The following SPHKAP variants were observed in gnomAD, a reference collection of about 807,000 sequenced individuals.
The protein encoded by SPHKAP is A-kinase anchor protein SPHKAP.
Under a neutral mutation model 137.5 loss-of-function variants are expected in SPHKAP, and 67 were observed. That is an observed-to-expected ratio of 0.49 (90% CI 0.40 to 0.60). The LOEUF (loss-of-function observed/expected upper bound fraction) is 0.60. SPHKAP is among the 20% of genes least tolerant of loss of function. The pLI, the probability that SPHKAP is intolerant of heterozygous loss-of-function variation, is 0.00. For missense variants in SPHKAP, 2,097 were observed against 2,069.3 expected, an observed-to-expected ratio of 1.01 and a Z score of -0.26; for synonymous variants, 813 against 785.3, an observed-to-expected ratio of 1.04 and a Z score of -0.59.
rs1482044299 is a variant in SPHKAP, at chr2:228,017,019, T to G, written c.3835A>C (p.Ser1279Arg). The change falls in exon 7 of 12, where the codon AGC becomes CGC. Residue 1279 changes from serine to arginine, a missense_variant. Transcript: ENST00000392056. ...TTGCAGAGACCGGATGAGGACGCGC[T>G]ACTGACCGGCTGCACGCTTAGGAAA... ...QDFLSVQPVS[S>R]ASSSGLCKSD... is the part of the protein sequence containing the mutation. The G allele has an allele frequency of 6.2e-6, 10 of 1,614,062 alleles. No individual in the cohort carries two copies. Among genetic ancestry groups the G allele is most frequent in the African/African-American group, 1.3e-5 (1 of 74,924 alleles).
At chr2:228,162,667 C>G (rs933600333) in intron 1 of SPHKAP, among the ~76,000 whole-genome samples, 3 of 152,104 alleles carry the variant, frequency 2.0e-5, no homozygotes, top group Non-Finnish European at 4.4e-5. Flanking sequence ...TGGCAGAATA[C>G]ATAGGAGAGG....
At position 227,981,206 on chromosome 2, in the gene SPHKAP, A is replaced by C. The variant is rs966294377; in HGVS notation, c.*511T>G. On this transcript the variant is annotated 3_prime_UTR_variant, in exon 12 of 12. Coordinates refer to ENST00000392056, the MANE Select transcript of SPHKAP (RefSeq NM_001142644.2). ...CTACTGACATTGATTTGAAAGTGGA[A>C]ATCTTTTGTATAAAAGTCTGGGGAT... The C allele has an allele frequency of 6.6e-6, 1 of 152,262 alleles. No homozygotes were observed. The highest frequency in any genetic ancestry group is 2.4e-5 in the African/African-American group (1 of 41,458). 9.4% of individuals were successfully genotyped at this position (152,262 alleles called of 1,614,324 possible). A position where few individuals can be genotyped will look rare whatever the true frequency, so the allele number is the denominator to read the frequency against.
At chr2:228,117,161 C>T (rs1351192939) in intron 2 of SPHKAP, among the ~76,000 whole-genome samples, 1 of 152,084 alleles carries the variant, frequency 6.6e-6, no homozygotes, top group Non-Finnish European at 1.5e-5. Flanking sequence ...CACTTTTCTC[C>T]CTACATGCCA....
intron 3 of SPHKAP, among the ~76,000 whole-genome samples, chr2:228,051,099 C>A (rs1314220054): frequency 6.6e-6 from 1 of 152,150 alleles, no homozygotes; most frequent in East Asian, 1.9e-4. Flanking sequence ...GCCACTGCAC[C>A]TGGCCACCCA....
At chr2:227,990,758 A>G in intron 11 of SPHKAP, 1 of 409,066 alleles carries the variant, frequency 2.4e-6, no homozygotes, top group Middle Eastern at 6.8e-4. Flanking sequence ...AAAAGTTCCC[A>G]TCCCCTCAAT....
In SPHKAP at chr2:227,985,361, C is replaced by T. The variant is rs1051639698; in HGVS notation, c.4960-3501G>A. 1.3e-4 allele frequency among the ~76,000 whole-genome samples: 19 copies of T among 151,980 alleles called. 1 individual carries two copies. The highest frequency in any genetic ancestry group is 4.3e-4 in the African/African-American group (18 of 41,382). On this transcript the variant is annotated intron_variant, in intron 11 of 11. Transcript: ENST00000392056. ...GAAGAACTCTTCTTTTCTTTTCTTC[C>T]ATTAAAAAAAGGTAAGAATGAAAAA...
chr2:228,167,752 G>A (rs966959025), intron 1 of SPHKAP, among the ~76,000 whole-genome samples: 10 of 152,074 alleles, frequency 6.6e-5, no homozygotes, highest in African/African-American at 2.4e-4. Flanking sequence ...TTATAGGCTT[G>A]TAGGACAAAA....
At chr2:228,086,564 C>T (rs1399156071) in intron 3 of SPHKAP, among the ~76,000 whole-genome samples, 2 of 152,040 alleles carry the variant, frequency 1.3e-5, no homozygotes, top group Admixed American at 6.6e-5. Context: ...ATTGAGGTAC[C>T]ACCCTAGATA....
chr2:228,060,482 C>A (rs1696596310), intron 3 of SPHKAP, among the ~76,000 whole-genome samples: 2 of 152,092 alleles, frequency 1.3e-5, no homozygotes, highest in African/African-American at 2.4e-5. Flanking sequence ...TTAAAGTGGA[C>A]AAATCAATTT....
chr2:228,111,059 A>G (rs1698503098), intron 2 of SPHKAP, among the ~76,000 whole-genome samples: 1 of 152,186 alleles, frequency 6.6e-6, no homozygotes, highest in African/African-American at 2.4e-5. Flanking sequence ...CTTAGAGTGC[A>G]AAAGAATTTT....
chr2:228,135,178 A>G (rs6436756), intron 1 of SPHKAP, among the ~76,000 whole-genome samples: 51,642 of 151,090 alleles, frequency 0.34, 9,073 homozygotes, highest in East Asian at 0.5. Context: ...GGAGGCTGAG[A>G]CAGGAGAATC....
intron 1 of SPHKAP, among the ~76,000 whole-genome samples, chr2:228,135,793 A>C (rs912023699): frequency 6.6e-6 from 1 of 152,186 alleles, no homozygotes; most frequent in South Asian, 2.1e-4. Flanking sequence ...GGTGGGGCAA[A>C]AATTAATGCA....
At chr2:228,042,110 A>G (rs1250227495) in intron 3 of SPHKAP, among the ~76,000 whole-genome samples, 2 of 152,116 alleles carry the variant, frequency 1.3e-5, no homozygotes, top group Non-Finnish European at 2.9e-5. Flanking sequence ...AATCGTGCAA[A>G]CAAACAAACA....
intron 3 of SPHKAP, among the ~76,000 whole-genome samples, chr2:228,031,773 T>A (rs1261836898): frequency 6.6e-6 from 1 of 152,184 alleles, no homozygotes; most frequent in African/African-American, 2.4e-5. Flanking sequence ...AAGACAAACA[T>A]GGTCTGGAAT....
intron 7 of SPHKAP, among the ~76,000 whole-genome samples, chr2:228,007,070 T>A (rs775459466): frequency 2.6e-5 from 4 of 152,120 alleles, no homozygotes; most frequent in Non-Finnish European, 5.9e-5. Context: ...CAAAGCTCAG[T>A]TGGAAATGCA....
chr2:228,137,095 T>TC (rs1699457905), intron 1 of SPHKAP, among the ~76,000 whole-genome samples: 1 of 144,816 alleles, frequency 6.9e-6, no homozygotes, highest in Admixed American at 6.8e-5. Context: ...CCCACCCCAC[T>TC]CCAACCCAGG....
intron 3 of SPHKAP, among the ~76,000 whole-genome samples, chr2:228,056,445 G>T (rs1696446741): frequency 6.6e-6 from 1 of 152,092 alleles, no homozygotes; most frequent in African/African-American, 2.4e-5. Flanking sequence ...GCTATGTTAT[G>T]GTGAAGTCGT....
At chr2:228,134,983 A>G (rs532109769) in intron 1 of SPHKAP, among the ~76,000 whole-genome samples, 17 of 152,236 alleles carry the variant, frequency 1.1e-4, no homozygotes, top group African/African-American at 4.1e-4. Context: ...TCGTAGAAAG[A>G]CCACTTCAAG....
intron 3 of SPHKAP, among the ~76,000 whole-genome samples, chr2:228,060,607 A>G (rs1161899288): frequency 3.3e-5 from 5 of 152,220 alleles, no homozygotes; most frequent in Non-Finnish European, 7.3e-5. Context: ...TTTTCTTTGT[A>G]ACTATGACTT....
Sources: allele counts gnomAD v4.1 joint callset (sites outside exome capture counted in the v4.1 genomes callset), GRCh38; gene constraint gnomAD v4.1.1; transcripts MANE v1.5; gene names NCBI Gene and HGNC (gene_info 2026-07-23, HGNC 2026-07-21).